Variants in KIF6 observed in about 807,000 individuals in gnomAD.
KIF6 encodes the protein kinesin-like protein KIF6.
Under a neutral mutation model 112.7 loss-of-function variants are expected in KIF6, and 106 were observed. That is an observed-to-expected ratio of 0.94 (90% CI 0.80 to 1.11). The LOEUF is 1.11. Ranked by LOEUF, KIF6 falls within the 50% of genes least tolerant of loss-of-function variation. KIF6 has a pLI of 0.00. For synonymous variants in KIF6, 339 were observed against 339.9 expected (o/e 1.00, Z 0.03); for missense variants, 929 against 964.0 (o/e 0.96, Z 0.48).
intron 15 of KIF6, among the ~76,000 whole-genome samples, chr6:39,415,889 A>T (rs1036274854): frequency 6.6e-6 from 1 of 152,130 alleles, no homozygotes; most frequent in Non-Finnish European, 1.5e-5. Flanking sequence ...GGGGGAAAAA[A>T]ACTTCCAGAA....
chr6:39,345,489 C>T (rs1396767208), intron 21 of KIF6, among the ~76,000 whole-genome samples: 1 of 152,138 alleles, frequency 6.6e-6, no homozygotes, highest in African/African-American at 2.4e-5. Context: ...AACACAGGGC[C>T]CTGGTGACTG....
chr6:39,486,498 T>C (rs185505240), intron 13 of KIF6, among the ~76,000 whole-genome samples: 11 of 152,300 alleles, frequency 7.2e-5, no homozygotes, highest in African/African-American at 2.6e-4. Flanking sequence ...AAATTCCCAA[T>C]ACACAAAATC....
chr6:39,533,783 C>T (rs189623030), intron 13 of KIF6, among the ~76,000 whole-genome samples: 2,876 of 152,310 alleles, frequency 0.019, 73 homozygotes, highest in African/African-American at 0.062. Context: ...ACCCCTGACT[C>T]CCGAGCAGCC....
chr6:39,566,546 G>A (rs1053615877), intron 10 of KIF6, among the ~76,000 whole-genome samples: 3 of 152,260 alleles, frequency 2.0e-5, no homozygotes, highest in Middle Eastern at 3.4e-3. Context: ...TTTTTGTTTT[G>A]TTTAGCCTTT....
chr6:39,504,038 G>C (rs1776294260), intron 13 of KIF6, among the ~76,000 whole-genome samples: 1 of 151,870 alleles, frequency 6.6e-6, no homozygotes, highest in Admixed American at 6.6e-5. Context: ...CCAAAACCTG[G>C]CAGAGATACA....
At chr6:39,531,816 C>T (rs921379573) in intron 13 of KIF6, among the ~76,000 whole-genome samples, 3 of 152,156 alleles carry the variant, frequency 2.0e-5, no homozygotes, top group Non-Finnish European at 4.4e-5. Flanking sequence ...TCATCCCTGT[C>T]CTTTGGCCTG....
chr6:39,406,019 T>G (rs1769065221), intron 15 of KIF6, among the ~76,000 whole-genome samples: 1 of 152,184 alleles, frequency 6.6e-6, no homozygotes, highest in Non-Finnish European at 1.5e-5. Flanking sequence ...TGATATTTCC[T>G]CTTTCTTATT....
intron 13 of KIF6, among the ~76,000 whole-genome samples, chr6:39,484,149 T>A (rs1357188964): frequency 6.6e-6 from 1 of 152,190 alleles, no homozygotes; most frequent in Non-Finnish European, 1.5e-5. Context: ...CATGTGCACA[T>A]GGCCGTTTCC....
intron 18 of KIF6, among the ~76,000 whole-genome samples, chr6:39,358,232 T>C (rs1462627749): frequency 1.3e-5 from 2 of 152,204 alleles, no homozygotes; most frequent in African/African-American, 4.8e-5. Context: ...TACTAGGTTA[T>C]TTCCCACTTG....
chr6:39,580,975 T>C (rs1199812993), intron 9 of KIF6, among the ~76,000 whole-genome samples: 1 of 152,146 alleles, frequency 6.6e-6, no homozygotes, highest in African/African-American at 2.4e-5. Context: ...AACTAGTTCA[T>C]GATAGTACAT....
In KIF6 at chr6:39,714,713, A is replaced by G. The variant is rs1561954518; in HGVS notation, c.230T>C (p.Ile77Thr). Residue 77 changes from isoleucine to threonine, a missense_variant, in exon 3 of 23, where the codon ATT (isoleucine) becomes ACT (threonine). This residue lies in a region of KIF6 where 688 missense variants were observed against 662.7 expected (regional missense o/e 1.04). Coordinates refer to ENST00000287152, the MANE Select transcript of KIF6 (RefSeq NM_145027.6). ...CTACCTCCCAGCAACTGGTTTGGCA[A>G]TGTTTTCAAAAACGGTCTCTTGGTT... ...DANQETVFEN[I>T]AKPVAGSVLA... 3.7e-6 allele frequency: 6 copies of G among 1,613,910 alleles called. No individual in the cohort carries two copies. Among genetic ancestry groups the G allele is most frequent in the Non-Finnish European group, 4.2e-6 (5 of 1,179,824 alleles).
At chr6:39,405,822 T>C (rs1384941458) in intron 15 of KIF6, among the ~76,000 whole-genome samples, 1 of 152,194 alleles carries the variant, frequency 6.6e-6, no homozygotes, top group Non-Finnish European at 1.5e-5. Flanking sequence ...CCTTCATTCT[T>C]TTTGGGAGAC....
intron 13 of KIF6, among the ~76,000 whole-genome samples, chr6:39,501,605 G>A (rs1055982147): frequency 2.6e-5 from 4 of 152,150 alleles, no homozygotes; most frequent in South Asian, 2.1e-4. Context: ...GGAGCTGACA[G>A]CCAAAATAGC....
intron 1 of KIF6, 99 bp from the exon 2 acceptor site, chr6:39,720,910 C>G: frequency 1.6e-6 from 1 of 628,284 alleles, no homozygotes; most frequent in African/African-American, 1.8e-5. Context: ...AAATTATACT[C>G]TTAAGATTAA....
intron 13 of KIF6, among the ~76,000 whole-genome samples, chr6:39,451,074 T>C (rs1772671361): frequency 6.6e-6 from 1 of 152,194 alleles, no homozygotes; most frequent in Non-Finnish European, 1.5e-5. Flanking sequence ...ATATATACAC[T>C]ATGCAAATAA....
At chr6:39,421,308 T>C (rs758235078) in intron 14 of KIF6, among the ~76,000 whole-genome samples, 92 of 152,212 alleles carry the variant, frequency 6.0e-4, no homozygotes, top group Non-Finnish European at 1.2e-3. Context: ...TTTCCAAATA[T>C]ACACAGGATA....
chr6:39,711,999 C>T (rs1789584477), intron 3 of KIF6, among the ~76,000 whole-genome samples: 1 of 151,066 alleles, frequency 6.6e-6, no homozygotes, highest in Non-Finnish European at 1.5e-5. Flanking sequence ...GTACAATGTA[C>T]AACTTGAGAA....
intron 13 of KIF6, among the ~76,000 whole-genome samples, chr6:39,489,247 TCA>T (rs1165105871): frequency 6.6e-6 from 1 of 152,204 alleles, no homozygotes; most frequent in African/African-American, 2.4e-5. Context: ...TTTTTGAAGC[TCA>T]GTTTTTTAAA....
At position 39,334,782 on chromosome 6, in the gene KIF6, ATGTG is replaced by A. The variant is rs199663493; in HGVS notation, c.*1746_*1749del. ...AGGGCTCTTGAGAGTGTGTGTGTGTATGTGTGTGTGTGTGTGCAGTTACATGTGT... is the reference window on the plus strand; with the variant it reads ...AGGGCTCTTGAGAGTGTGTGTGTGTATGTGTGTGTGTGCAGTTACATGTGT... On this transcript the variant is annotated 3_prime_UTR_variant, in exon 23 of 23. Coordinates refer to ENST00000287152, the MANE Select transcript of KIF6 (RefSeq NM_145027.6). 2.7e-5 allele frequency: 4 copies of A among 150,926 alleles called. No individual in the cohort carries two copies. Among genetic ancestry groups the A allele is most frequent in the African/African-American group, 7.3e-5 (3 of 41,086 alleles). The allele number at this position is 150,926 out of a possible 1,614,324, so 9.3% of individuals were successfully genotyped here.
Sources: gnomAD v4.1 joint callset for allele counts (sites outside exome capture counted in the v4.1 genomes callset) on GRCh38, gnomAD v4.1.1 for gene constraint, gnomAD v4.1.1 regional missense constraint, MANE v1.5 for transcripts, NCBI Gene and HGNC (gene_info 2026-07-23, HGNC 2026-07-21) for gene names.